The following WWOX variants were observed in gnomAD, a reference collection of about 807,000 sequenced individuals.
WWOX encodes WW domain-containing oxidoreductase.
In WWOX, 69 loss-of-function variants were observed where a neutral mutation model predicts 46.2. That is an observed-to-expected ratio of 1.49 (90% CI 1.23 to 1.82). WWOX has a LOEUF of 1.82. Among genes scored for constraint, WWOX ranks in the 40% most tolerant of loss-of-function variants. The pLI, the probability that WWOX is intolerant of heterozygous loss-of-function variation, is 0.00. For missense variants in WWOX, 919 were observed against 542.6 expected, an observed-to-expected ratio of 1.69 and a Z score of -6.89; for synonymous variants, 359 against 202.6, an observed-to-expected ratio of 1.77 and a Z score of -6.56.
At chr16:78,436,191 C>G (rs2083331911) in intron 8 of WWOX, among the ~76,000 whole-genome samples, 1 of 152,118 alleles carries the variant, frequency 6.6e-6, no homozygotes, top group Non-Finnish European at 1.5e-5. Flanking sequence ...TGATGATTCT[C>G]CAAAATGTAA....
At chr16:79,161,596 C>T (rs931189233) in intron 8 of WWOX, among the ~76,000 whole-genome samples, 1 of 152,128 alleles carries the variant, frequency 6.6e-6, no homozygotes, top group African/African-American at 2.4e-5. Context: ...GATCTTGGCT[C>T]ACTGTAGCTG....
intron 5 of WWOX, among the ~76,000 whole-genome samples, chr16:78,248,623 C>G (rs369599570): frequency 3.4e-4 from 52 of 152,152 alleles, no homozygotes; most frequent in Admixed American, 1.1e-3. Flanking sequence ...GTAGTCACAG[C>G]TACTCAGGAG....
intron 8 of WWOX, among the ~76,000 whole-genome samples, chr16:79,182,986 G>A (rs72797440): frequency 0.048 from 7,365 of 152,254 alleles, 239 homozygotes; most frequent in East Asian, 0.14. Flanking sequence ...TGTACTAGGC[G>A]GGTCAGCATA....
intron 1 of WWOX, among the ~76,000 whole-genome samples, chr16:78,108,117 A>G (rs931341649): frequency 4.0e-5 from 6 of 151,538 alleles, no homozygotes; most frequent in African/African-American, 1.2e-4. Context: ...TGGTAGAGAC[A>G]GGGTTTCACC....
intron 8 of WWOX, among the ~76,000 whole-genome samples, chr16:78,928,709 G>A (rs1284423134): frequency 6.6e-6 from 1 of 152,052 alleles, no homozygotes; most frequent in African/African-American, 2.4e-5. Context: ...GGTATATTTG[G>A]CTCTCTTTCA....
At chr16:78,928,203 CT>C (rs969068848) in intron 8 of WWOX, among the ~76,000 whole-genome samples, 133 of 134,200 alleles carry the variant, frequency 9.9e-4, no homozygotes, top group Middle Eastern at 3.9e-3. Context: ...TACCACTTTT[CT>C]TTTTTTTTTT....
At chr16:78,333,197 C>G (rs950730053) in intron 5 of WWOX, among the ~76,000 whole-genome samples, 31 of 151,380 alleles carry the variant, frequency 2.0e-4, no homozygotes, top group South Asian at 6.3e-4. Context: ...ACTACAGGAG[C>G]ATACTCCCAC....
intron 8 of WWOX, among the ~76,000 whole-genome samples, chr16:79,169,613 A>C (rs575952761): frequency 6.6e-6 from 1 of 152,322 alleles, no homozygotes; most frequent in Non-Finnish European, 1.5e-5. Flanking sequence ...GCTTCACACA[A>C]ATAGCTAAAG....
intron 8 of WWOX, among the ~76,000 whole-genome samples, chr16:79,172,475 G>C (rs2050718804): frequency 6.6e-6 from 1 of 152,078 alleles, no homozygotes; most frequent in Admixed American, 6.6e-5. Context: ...GTAGTCCCGA[G>C]CCCTGTGTCT....
At chr16:78,406,241 T>G (rs946905757) in intron 6 of WWOX, among the ~76,000 whole-genome samples, 1 of 145,750 alleles carries the variant, frequency 6.9e-6, no homozygotes, top group Non-Finnish European at 1.5e-5. Flanking sequence ...TAGGACTATT[T>G]GTGAAATTGA....
At chr16:78,460,218 C>T (rs990594549) in intron 8 of WWOX, among the ~76,000 whole-genome samples, 1 of 151,996 alleles carries the variant, frequency 6.6e-6, no homozygotes, top group Admixed American at 6.6e-5. Context: ...ACCTGTGCCT[C>T]CCGGATTCAA....
intron 8 of WWOX, among the ~76,000 whole-genome samples, chr16:78,907,675 T>A (rs1597134832): frequency 6.6e-6 from 1 of 152,334 alleles, no homozygotes; most frequent in East Asian, 1.9e-4. Flanking sequence ...AAAGGCAGTT[T>A]TAATAACTGC....
intron 8 of WWOX, among the ~76,000 whole-genome samples, chr16:78,465,023 G>A (rs974733086): frequency 3.3e-5 from 5 of 152,128 alleles, no homozygotes; most frequent in African/African-American, 7.2e-5. Flanking sequence ...ACAAGAAAGC[G>A]TGTGCAGGGG....
chr16:78,353,315 G>A (rs1260798410), intron 5 of WWOX, among the ~76,000 whole-genome samples: 4 of 152,160 alleles, frequency 2.6e-5, no homozygotes, highest in Non-Finnish European at 5.9e-5. Flanking sequence ...AAATCGAGAG[G>A]TAAAGCACTG....
intron 8 of WWOX, among the ~76,000 whole-genome samples, chr16:78,933,201 G>C (rs2045661826): frequency 6.6e-6 from 1 of 152,216 alleles, no homozygotes; most frequent in Non-Finnish European, 1.5e-5. Flanking sequence ...CACTTTGGCA[G>C]GCCAAGGCGG....
At chr16:78,983,025 C>G (rs2046713291) in intron 8 of WWOX, among the ~76,000 whole-genome samples, 1 of 152,072 alleles carries the variant, frequency 6.6e-6, no homozygotes, top group Admixed American at 6.6e-5. Flanking sequence ...TCCTTTGTTT[C>G]TTTTGTGAAG....
intron 8 of WWOX, among the ~76,000 whole-genome samples, chr16:78,871,888 C>A (rs1371322411): frequency 1.3e-5 from 2 of 152,264 alleles, no homozygotes; most frequent in Admixed American, 6.5e-5. Context: ...CAGGTGTGAG[C>A]CCCCAGGCCC....
chr16:78,856,845 A>C (rs1410067689), intron 8 of WWOX, among the ~76,000 whole-genome samples: 2 of 152,206 alleles, frequency 1.3e-5, no homozygotes, highest in East Asian at 1.9e-4. Flanking sequence ...ATGCTTCGTT[A>C]GGCCATTTTG....
chr16:78,105,472 A>AG (rs2032082013), intron 1 of WWOX, among the ~76,000 whole-genome samples: 1 of 150,658 alleles, frequency 6.6e-6, no homozygotes, highest in South Asian at 2.1e-4. Flanking sequence ...AAAAAAAAAA[A>AG]GAATGATCCA....
Sources: allele counts gnomAD v4.1 joint callset (sites outside exome capture counted in the v4.1 genomes callset), GRCh38; gene constraint gnomAD v4.1.1; transcripts MANE v1.5; gene names NCBI Gene and HGNC (gene_info 2026-07-23, HGNC 2026-07-21).